Variants in SLC35F5 observed in about 807,000 individuals in gnomAD.
SLC35F5 encodes the protein HCV NS5A-transactivated protein 3.
In SLC35F5, 54 loss-of-function variants were observed where a neutral mutation model predicts 68.6. The observed-to-expected ratio is 0.79, with a 90% CI of 0.63 to 0.99. SLC35F5 has a LOEUF of 0.99. Among genes scored for constraint, SLC35F5 ranks in the 50% least tolerant of loss-of-function variants. SLC35F5 has a pLI of 0.00. For missense variants in SLC35F5, 567 were observed against 626.9 expected (o/e 0.90, Z 1.02); for synonymous variants, 211 against 205.2 (o/e 1.03, Z -0.24).
chr2:113,704,320 C>T (rs1481944722), downstream of SLC35F5, among the ~76,000 whole-genome samples: 1 of 152,228 alleles, frequency 6.6e-6, no homozygotes, highest in Non-Finnish European at 1.5e-5. Flanking sequence ...CACAAAGGTT[C>T]TCCAAGTCCC....
chr2:113,715,822 A>G (rs1687155607), intron 15 of SLC35F5, among the ~76,000 whole-genome samples: 1 of 152,118 alleles, frequency 6.6e-6, no homozygotes, highest in Admixed American at 6.6e-5. Flanking sequence ...GAACCTACTG[A>G]TGATGTTAAG....
At chr2:113,724,352 G>A (rs1687576978) in intron 12 of SLC35F5, among the ~76,000 whole-genome samples, 1 of 151,914 alleles carries the variant, frequency 6.6e-6, no homozygotes, top group African/African-American at 2.4e-5. Flanking sequence ...TAATAGTTAA[G>A]GTTAAAAAAA....
At position 113,756,390 on chromosome 2, in the gene SLC35F5, T is replaced by C. The variant is rs1367133870; in HGVS notation, c.20A>G (p.His7Arg). 3 of 1,565,218 alleles carry C rather than the reference T, an allele frequency of 1.9e-6. No individual in the cohort carries two copies. The highest frequency in any genetic ancestry group is 1.2e-5 in the South Asian group (1 of 85,282). MVPPRR[H>R]RGAGRPGVLS... is the part of the protein sequence containing the mutation. ...CCTACCTGGCCTTCCTGCCCCGCGA[T>C]GGCGTCGTGGCGGCACCATGAGCGG... The change falls in exon 1 of 16, where the codon CAT becomes CGT. Residue 7 changes from histidine (H) to arginine (R), a missense_variant. Transcript: ENST00000245680.
chr2:113,738,063 G>A (rs1433455373), intron 7 of SLC35F5, among the ~76,000 whole-genome samples: 1 of 151,138 alleles, frequency 6.6e-6, no homozygotes, highest in Non-Finnish European at 1.5e-5. Flanking sequence ...TCAAATTAAT[G>A]AGCACATCCA....
chr2:113,744,754 AAAT>A (rs1385952773), intron 5 of SLC35F5, among the ~76,000 whole-genome samples: 1 of 152,156 alleles, frequency 6.6e-6, no homozygotes, highest in Non-Finnish European at 1.5e-5. Flanking sequence ...CTCCATCTCA[AAAT>A]AATAATAATA....
chr2:113,724,169 C>G (rs1687567501), intron 12 of SLC35F5, among the ~76,000 whole-genome samples: 1 of 152,208 alleles, frequency 6.6e-6, no homozygotes, highest in South Asian at 2.1e-4. Flanking sequence ...CACTACTTAG[C>G]TGCTCTGTGA....
chr2:113,756,352 C>T lies in SLC35F5; in HGVS notation c.40+18G>A, dbSNP rs749643124. 111 of 1,568,414 alleles carry T rather than the reference C, an allele frequency of 7.1e-5. No homozygotes were observed. Among genetic ancestry groups the T allele is most frequent in the Non-Finnish European group, 9.4e-5 (109 of 1,157,452 alleles). On this transcript the variant is annotated intron_variant, in intron 1 of 15. Transcript: ENST00000245680. ...GTTTGGGCTCCGGTGATGTCGGGGC[C>T]CTTCCCTGCCTGCCTACCTGGCCTT...
Position 113,756,435 on chromosome 2 carries a change from C to A in SLC35F5, c.-26G>T, listed in dbSNP as rs573917694. 3 of 1,542,438 alleles carry A rather than the reference C, an allele frequency of 1.9e-6. No homozygotes were observed. Among genetic ancestry groups the A allele is most frequent in the Non-Finnish European group, 1.7e-6 (2 of 1,146,162 alleles). ...GAGCGGACCGGTCAGGCCCCGCAGC[C>A]GCCCAGCGCCACGGCCGCGGCCTCG... On this transcript the variant is annotated 5_prime_UTR_variant, in exon 1 of 16. Transcript: ENST00000245680.
chr2:113,755,235 C>A lies in SLC35F5; in HGVS notation c.203G>T (p.Arg68Leu). 15 of 1,614,100 alleles carry A rather than the reference C, an allele frequency of 9.3e-6. No homozygotes were observed. The highest frequency in any genetic ancestry group is 1.3e-5 in the Non-Finnish European group (15 of 1,180,020). The change falls in exon 3 of 16, where the codon CGA becomes CTA. Residue 68 changes from arginine to leucine, a missense_variant. Transcript: ENST00000245680. ...SQNSGFTQRR[R>L]MALGIVILLL... ...AAGAATAACAATCCCAAGAGCCATT[C>A]GCCTGCGCTGAGTGAAACCACTGTT...
intron 6 of SLC35F5, 24 bp downstream of exon 6, chr2:113,743,689 T>C (rs1365932484): frequency 6.3e-7 from 1 of 1,590,118 alleles, no homozygotes; most frequent in East Asian, 2.2e-5. Flanking sequence ...GTAAACTTTC[T>C]ACCCATTTCC....
At chr2:113,733,192 T>G (rs1687962098) in intron 9 of SLC35F5, among the ~76,000 whole-genome samples, 1 of 152,170 alleles carries the variant, frequency 6.6e-6, no homozygotes, top group Admixed American at 6.5e-5. Context: ...GCAATTCAGC[T>G]CTGCCTCTGC....
chr2:113,726,597 C>T (rs1687673763), intron 11 of SLC35F5, among the ~76,000 whole-genome samples: 1 of 152,134 alleles, frequency 6.6e-6, no homozygotes, highest in African/African-American at 2.4e-5. Context: ...GGCAGGAGCA[C>T]CCACTCTCTG....
At chr2:113,735,209 TTG>T (rs1688039671) in intron 8 of SLC35F5, among the ~76,000 whole-genome samples, 1 of 152,152 alleles carries the variant, frequency 6.6e-6, no homozygotes, top group Non-Finnish European at 1.5e-5. Context: ...CTGTAATATG[TTG>T]TTATATAAAA....
intron 13 of SLC35F5, among the ~76,000 whole-genome samples, chr2:113,721,720 G>T (rs1687445131): frequency 6.6e-6 from 1 of 151,992 alleles, no homozygotes; most frequent in Non-Finnish European, 1.5e-5. Flanking sequence ...AGATGAAGAA[G>T]GGCCTAGATA....
Position 113,731,564 on chromosome 2 carries a change from A to G in SLC35F5, c.985+20T>C. 6.2e-7 allele frequency: 1 copy of G among 1,603,196 alleles called. No homozygotes were observed. Among genetic ancestry groups the G allele is most frequent in the Non-Finnish European group, 8.5e-7 (1 of 1,170,340 alleles). On this transcript the variant is annotated intron_variant, in intron 10 of 15. Transcript: ENST00000245680. Reference sequence around the variant, plus strand: ...TTTCTTATTTACTCTAACAGAGAGAATCCAGAGTCCAGTACTTACCTACTG... The same window carrying G: ...TTTCTTATTTACTCTAACAGAGAGAGTCCAGAGTCCAGTACTTACCTACTG...
Position 113,729,487 on chromosome 2 carries a change from G to A in SLC35F5, c.1004C>T (p.Ala335Val), listed in dbSNP as rs748773975. Reference sequence around the variant, plus strand: ...ATAGACAGCATAGAGCATGGCTCCAGCAAGAGACCAAATGGAACCTGTAAA... The same window carrying A: ...ATAGACAGCATAGAGCATGGCTCCAACAAGAGACCAAATGGAACCTGTAAA... ...RDTVGSIWSL[A>V]GAMLYAVYIV... The change falls in exon 11 of 16, where the codon GCT becomes GTT. Residue 335 changes from alanine to valine, a missense_variant. Transcript: ENST00000245680. 5 of 1,588,034 alleles carry A rather than the reference G, an allele frequency of 3.1e-6. No homozygotes were observed. In the Admixed American group the frequency reaches 7.2e-5, roughly 23 times the overall value.
At position 113,755,310 on chromosome 2, in the gene SLC35F5, T is replaced by G. The variant is rs1275434632; in HGVS notation, c.132-4A>C. On this transcript the variant is annotated splice_region_variant and splice_polypyrimidine_tract_variant and intron_variant, in intron 2 of 15. Transcript: ENST00000245680. Reference sequence around the variant, plus strand: ...AAATACACACACCATTTGCAGTCTGTTTTTTAGAAAATACAGATCACATTA... The same window carrying G: ...AAATACACACACCATTTGCAGTCTGGTTTTTAGAAAATACAGATCACATTA... The G allele has an allele frequency of 6.2e-7, 1 of 1,613,738 alleles. No individual in the cohort carries two copies. Among genetic ancestry groups the G allele is most frequent in the Non-Finnish European group, 8.5e-7 (1 of 1,179,746 alleles).
At position 113,755,536 on chromosome 2, in the gene SLC35F5, T is replaced by C. The variant is rs368464948; in HGVS notation, c.49A>G (p.Ser17Gly). The change falls in exon 2 of 16, where the codon AGT (serine) becomes GGT (glycine). Residue 17 changes from serine to glycine, a missense_variant. Transcript: ENST00000245680. ...CTCAGTCTAAAAGGAGGTGAAGAAC[T>C]CAGCACCCCTAAAAACAACCATGAA... ...HRGAGRPGVLSSSPPFRLRSA... is the reference protein window; with the variant it reads ...HRGAGRPGVLGSSPPFRLRSA... 1.5e-5 allele frequency: 24 copies of C among 1,613,542 alleles called. No homozygotes were observed. The highest frequency in any genetic ancestry group is 2.0e-5 in the Non-Finnish European group (24 of 1,179,710).
chr2:113,753,106 A>T (rs4848345), intron 3 of SLC35F5, among the ~76,000 whole-genome samples: 106,211 of 149,122 alleles, frequency 0.71, 38,420 homozygotes, highest in Middle Eastern at 0.82. Flanking sequence ...TTAGAAAATA[A>T]CCATAATAAA....
Sources: gnomAD v4.1 joint callset for allele counts (sites outside exome capture counted in the v4.1 genomes callset) on GRCh38, gnomAD v4.1.1 for gene constraint, MANE v1.5 for transcripts, NCBI Gene and HGNC (gene_info 2026-07-23, HGNC 2026-07-21) for gene names.